The following CARMIL1 variants were observed in gnomAD, a reference collection of about 807,000 sequenced individuals.
CARMIL1 encodes F-actin-uncapping protein LRRC16A.
CARMIL1 carries 90 observed loss-of-function variants against 177.1 expected under a neutral mutation model. That is an observed-to-expected ratio of 0.51 (90% CI 0.43 to 0.61). The LOEUF is 0.61. Among genes scored for constraint, CARMIL1 ranks in the 20% least tolerant of loss-of-function variants. The pLI, the probability that CARMIL1 is intolerant of heterozygous loss-of-function variation, is 0.00. For missense variants in CARMIL1, 1,380 were observed against 1,667.0 expected, an observed-to-expected ratio of 0.83 and a Z score of 3.00; for synonymous variants, 577 against 606.2, an observed-to-expected ratio of 0.95 and a Z score of 0.71.
intron 13 of CARMIL1, among the ~76,000 whole-genome samples, chr6:25,489,596 C>A (rs1005679936): frequency 3.3e-5 from 5 of 152,158 alleles, no homozygotes; most frequent in African/African-American, 4.8e-5. Flanking sequence ...CACCCAGCGG[C>A]CATCTTTGAA....
At chr6:25,527,935 T>C (rs937823713) in intron 23 of CARMIL1, among the ~76,000 whole-genome samples, 5 of 152,220 alleles carry the variant, frequency 3.3e-5, no homozygotes, top group African/African-American at 4.8e-5. Flanking sequence ...TTAAGTGATG[T>C]TATTAAAAAC....
At position 25,459,460 on chromosome 6, in the gene CARMIL1, C is replaced by A. The variant is rs544367657; in HGVS notation, c.615-6413C>A. On this transcript the variant is annotated intron_variant, in intron 8 of 36. Transcript: ENST00000329474. ...TAAAGATGGGATTTCACCATGTTGC[C>A]CAGCTGGTCATGAACTCCTGGGCAA... 4.7e-4 allele frequency among the ~76,000 whole-genome samples: 71 copies of A among 151,234 alleles called. 1 individual carries two copies. The South Asian group carries it at 8.2e-3, about 18-fold the overall frequency.
chr6:25,490,899 ACGTACTCAGTATAAG>A (rs1405142298), intron 13 of CARMIL1, among the ~76,000 whole-genome samples: 5 of 152,202 alleles, frequency 3.3e-5, no homozygotes, highest in Non-Finnish European at 7.3e-5. Flanking sequence ...GTTTGCAAGG[ACGTACTCAGTATAAG>A]CTTGTTTGTT....
chr6:25,286,444 G>A (rs1781531168), intron 2 of CARMIL1, among the ~76,000 whole-genome samples: 2 of 152,206 alleles, frequency 1.3e-5, no homozygotes, highest in African/African-American at 2.4e-5. Flanking sequence ...TAAACTGCAT[G>A]ATTAAGTTAT....
chr6:25,400,922 C>T (rs1793831334), intron 2 of CARMIL1, among the ~76,000 whole-genome samples: 2 of 152,122 alleles, frequency 1.3e-5, no homozygotes, highest in Admixed American at 1.3e-4. Flanking sequence ...TTGAGAAGAC[C>T]AGGCTAACCA....
chr6:25,409,184 C>T (rs1794678466), intron 2 of CARMIL1, among the ~76,000 whole-genome samples: 1 of 152,178 alleles, frequency 6.6e-6, no homozygotes, highest in Non-Finnish European at 1.5e-5. Context: ...TGCTCTGACT[C>T]AAGCCACATG....
chr6:25,591,145 G>A (rs1814262271), intron 31 of CARMIL1, among the ~76,000 whole-genome samples: 1 of 152,132 alleles, frequency 6.6e-6, no homozygotes, highest in African/African-American at 2.4e-5. Flanking sequence ...TCTCCATCTA[G>A]CCAATGAAGA....
chr6:25,283,040 T>G (rs930940048), intron 1 of CARMIL1, among the ~76,000 whole-genome samples: 1 of 152,114 alleles, frequency 6.6e-6, no homozygotes, highest in Non-Finnish European at 1.5e-5. Flanking sequence ...GGACTGTATT[T>G]TGGAGGATAA....
intron 8 of CARMIL1, among the ~76,000 whole-genome samples, chr6:25,459,275 T>TTCTTTCTTTCTTTCTTTCTTTTC (rs1799913250): frequency 2.1e-5 from 3 of 141,428 alleles, no homozygotes; most frequent in Admixed American, 7.6e-5. Flanking sequence ...TCTTTTTTTT[T>TTCTTTCTTTCTTTCTTTCTTTTC]TTTTTAAGAC....
chr6:25,528,164 AC>A (rs1284296570), intron 23 of CARMIL1, among the ~76,000 whole-genome samples: 1 of 152,230 alleles, frequency 6.6e-6, no homozygotes, highest in South Asian at 2.1e-4. Context: ...GTATAAAAAT[AC>A]AGAAATCTAT....
rs142308934 is a variant in CARMIL1 at position 25,323,130 on chromosome 6, T to C, written c.138+38221T>C. On this transcript the variant is annotated intron_variant, in intron 2 of 36. Transcript: ENST00000329474. Reference sequence around the variant, plus strand: ...CAGTAGCCTGCTCTCTAGGTAGTTCTCAAATTCTAATAGACGCACAGACAC... The same window carrying C: ...CAGTAGCCTGCTCTCTAGGTAGTTCCCAAATTCTAATAGACGCACAGACAC... 5.6e-3 allele frequency among the ~76,000 whole-genome samples: 855 copies of C among 152,222 alleles called. 6 individuals carry two copies. Among genetic ancestry groups the C allele is most frequent in the African/African-American group, 0.019 (780 of 41,538 alleles).
In CARMIL1 at chr6:25,370,494, A is replaced by G. The variant is rs575591764; in HGVS notation, c.139-49620A>G. Among the ~76,000 whole-genome samples the G allele has an allele frequency of 6.6e-5, 10 of 152,316 alleles. No individual in the cohort carries two copies. In the East Asian group the frequency reaches 1.7e-3, roughly 26 times the overall value. ...ATGAATGGCCTGGCTAGTAAAGAAG[A>G]CGTGGAAAATAATTGTAAACTGTCT... On this transcript the variant is annotated intron_variant, in intron 2 of 36. Coordinates refer to ENST00000329474, the MANE Select transcript of CARMIL1 (RefSeq NM_017640.6).
intron 29 of CARMIL1, among the ~76,000 whole-genome samples, chr6:25,568,189 T>C (rs1245825124): frequency 6.6e-6 from 1 of 152,256 alleles, no homozygotes; most frequent in Admixed American, 6.5e-5. Context: ...AAGGATTTCT[T>C]TTATAAATTC....
intron 34 of CARMIL1, among the ~76,000 whole-genome samples, chr6:25,605,371 A>C (rs1418131296): frequency 1.6e-4 from 24 of 152,030 alleles, no homozygotes; most frequent in Non-Finnish European, 8.8e-5. Context: ...TAAAATAAGA[A>C]AATACCTTAG....
intron 29 of CARMIL1, among the ~76,000 whole-genome samples, chr6:25,579,747 A>AT (rs1406609564): frequency 2.0e-5 from 3 of 152,296 alleles, no homozygotes; most frequent in East Asian, 3.9e-4. Context: ...ATTGCTAATC[A>AT]TTTTTTTATC....
intron 10 of CARMIL1, 74 bp downstream of exon 10, chr6:25,471,331 GTTTT>G: frequency 1.3e-6 from 1 of 743,328 alleles, no homozygotes; most frequent in Non-Finnish European, 2.0e-6. Flanking sequence ...TTAATTCATA[GTTTT>G]TTTTTTTTTT....
chr6:25,311,400 G>T (rs1297519978), intron 2 of CARMIL1, among the ~76,000 whole-genome samples: 1 of 152,132 alleles, frequency 6.6e-6, no homozygotes, highest in Non-Finnish European at 1.5e-5. Flanking sequence ...CTTAGTCACT[G>T]ACTGGCTAAG....
At chr6:25,538,240 T>A (rs934803833) in intron 25 of CARMIL1, among the ~76,000 whole-genome samples, 1 of 152,156 alleles carries the variant, frequency 6.6e-6, no homozygotes, top group African/African-American at 2.4e-5. Flanking sequence ...GAGAGGGAGC[T>A]GTCGTTTAAA....
rs149630436 is a variant in CARMIL1 at position 25,470,694 on chromosome 6, G to A, written c.691-475G>A. 4.5e-3 allele frequency among the ~76,000 whole-genome samples: 683 copies of A among 152,258 alleles called. 8 individuals are homozygous for A. The highest frequency in any genetic ancestry group is 0.015 in the African/African-American group (637 of 41,542). On this transcript the variant is annotated intron_variant, in intron 9 of 36. Transcript: ENST00000329474. ...TCCAGCAGACTTGGTGTCTGGTGAG[G>A]GCACAGTTTCTTGTTCACAGGTGGT...
Sources: allele counts gnomAD v4.1 joint callset (sites outside exome capture counted in the v4.1 genomes callset), GRCh38; gene constraint gnomAD v4.1.1; transcripts MANE v1.5; gene names NCBI Gene and HGNC (gene_info 2026-07-23, HGNC 2026-07-21).